Variants in UNC5C observed in about 807,000 individuals in gnomAD.
UNC5C encodes the protein unc-5 netrin receptor C, also known as netrin receptor UNC5C.
In UNC5C, 47 loss-of-function variants were observed where a neutral mutation model predicts 99.8. The ratio of observed to expected loss-of-function variants is 0.47; its 90% confidence interval spans 0.37 to 0.60. The LOEUF (loss-of-function observed/expected upper bound fraction) is 0.60. UNC5C is among the 20% of genes least tolerant of loss of function. The pLI is 0.00. For synonymous variants in UNC5C, 487 were observed against 452.2 expected (o/e 1.08, Z -0.98); for missense variants, 1,062 against 1,165.9 (o/e 0.91, Z 1.30).
chr4:95,228,039 G>A (rs1160566266), intron 7 of UNC5C, among the ~76,000 whole-genome samples: 1 of 152,068 alleles, frequency 6.6e-6, no homozygotes, highest in Non-Finnish European at 1.5e-5. Context: ...AAAAGAAAGA[G>A]AGCAAGAGAG....
chr4:95,388,737 T>G lies in UNC5C; in HGVS notation c.125-53106A>C, dbSNP rs1745277121. ...TCCAATAACTTCATTGAGTAGGTCCTAATCTTATCTCCATTCTAGAATGAG... is the reference window on the plus strand; with the variant it reads ...TCCAATAACTTCATTGAGTAGGTCCGAATCTTATCTCCATTCTAGAATGAG... On this transcript the variant is annotated intron_variant, in intron 1 of 15. Coordinates refer to ENST00000453304, the MANE Select transcript of UNC5C (RefSeq NM_003728.4). 4.6e-5 allele frequency among the ~76,000 whole-genome samples: 7 copies of G among 152,306 alleles called. No homozygotes were observed. The South Asian group carries it at 1.5e-3, about 32-fold the overall frequency.
chr4:95,222,231 G>A (rs1225444324), intron 7 of UNC5C: 22 of 1,500,828 alleles, frequency 1.5e-5, no homozygotes, highest in Non-Finnish European at 1.8e-5. Flanking sequence ...TATTCATTCT[G>A]GGTTCTCTGT....
At chr4:95,215,598 T>G (rs1177212815) in intron 10 of UNC5C, among the ~76,000 whole-genome samples, 1 of 152,058 alleles carries the variant, frequency 6.6e-6, no homozygotes, top group African/African-American at 2.4e-5. Context: ...CTGAACAGCC[T>G]AATGTGGAAT....
intron 3 of UNC5C, among the ~76,000 whole-genome samples, chr4:95,279,833 G>A (rs1740989027): frequency 6.6e-6 from 1 of 152,160 alleles, no homozygotes; most frequent in African/African-American, 2.4e-5. Context: ...CTGGTTTCAT[G>A]GCAGATAATT....
intron 1 of UNC5C, among the ~76,000 whole-genome samples, chr4:95,435,493 C>T (rs1746752920): frequency 6.6e-6 from 1 of 151,986 alleles, no homozygotes; most frequent in Admixed American, 6.6e-5. Flanking sequence ...ACAAATTTCC[C>T]ATCTAATTAT....
intron 1 of UNC5C, among the ~76,000 whole-genome samples, chr4:95,401,868 A>T (rs1269427132): frequency 6.6e-6 from 1 of 152,188 alleles, no homozygotes; most frequent in African/African-American, 2.4e-5. Context: ...ATCAAACAAT[A>T]CAGATTTCTA....
At chr4:95,409,394 G>A (rs569854223) in intron 1 of UNC5C, among the ~76,000 whole-genome samples, 4 of 152,278 alleles carry the variant, frequency 2.6e-5, no homozygotes, top group Non-Finnish European at 4.4e-5. Context: ...AGGTTAAAAT[G>A]TCCACATTCT....
chr4:95,219,840 A>C (rs533843003), intron 8 of UNC5C, 145 bp downstream of exon 8: 1 of 769,902 alleles, frequency 1.3e-6, no homozygotes, highest in African/African-American at 1.8e-5. Flanking sequence ...TGTAAATGAC[A>C]TCAATACAGT....
At chr4:95,370,270 T>C (rs1400419291) in intron 1 of UNC5C, among the ~76,000 whole-genome samples, 1 of 152,204 alleles carries the variant, frequency 6.6e-6, no homozygotes, top group East Asian at 1.9e-4. Context: ...TATTGGGCTA[T>C]ATAATTATAT....
intron 1 of UNC5C, among the ~76,000 whole-genome samples, chr4:95,547,403 C>T (rs1454263320): frequency 1.4e-4 from 22 of 152,156 alleles, no homozygotes; most frequent in Non-Finnish European, 4.4e-5. Context: ...ATCCCCACCC[C>T]CAGCGCCTCT....
intron 1 of UNC5C, among the ~76,000 whole-genome samples, chr4:95,370,767 A>G (rs1156770357): frequency 6.6e-6 from 1 of 152,218 alleles, no homozygotes; most frequent in Non-Finnish European, 1.5e-5. Flanking sequence ...ACTTTATCAC[A>G]GTAAGACAAC....
chr4:95,331,981 G>T (rs886188796), intron 2 of UNC5C, among the ~76,000 whole-genome samples: 1 of 152,008 alleles, frequency 6.6e-6, no homozygotes, highest in Non-Finnish European at 1.5e-5. Context: ...TTGCTTCAAA[G>T]AGAATAAAAT....
chr4:95,462,156 T>A (rs541210138), intron 1 of UNC5C, among the ~76,000 whole-genome samples: 68 of 152,242 alleles, frequency 4.5e-4, no homozygotes, highest in African/African-American at 1.6e-3. Flanking sequence ...GGGCAAAACA[T>A]TTCCTCAATG....
At chr4:95,258,771 T>C (rs1740105193) in intron 4 of UNC5C, among the ~76,000 whole-genome samples, 2 of 124,568 alleles carry the variant, frequency 1.6e-5, no homozygotes, top group Admixed American at 7.9e-5. Flanking sequence ...TTTTTTTTTT[T>C]TGAGACGGAG....
intron 1 of UNC5C, among the ~76,000 whole-genome samples, chr4:95,366,161 A>G (rs1744562451): frequency 6.6e-6 from 1 of 152,096 alleles, no homozygotes; most frequent in African/African-American, 2.4e-5. Flanking sequence ...ATTATTTTGT[A>G]TTAATAAAAT....
chr4:95,394,179 G>A (rs1294051441), intron 1 of UNC5C, among the ~76,000 whole-genome samples: 1 of 151,618 alleles, frequency 6.6e-6, no homozygotes, highest in Admixed American at 6.6e-5. Context: ...TTAAAAGTTA[G>A]CTCAGCTTGA....
At chr4:95,465,952 C>A (rs1747762298) in intron 1 of UNC5C, among the ~76,000 whole-genome samples, 1 of 152,034 alleles carries the variant, frequency 6.6e-6, no homozygotes, top group South Asian at 2.1e-4. Context: ...ATTATCTTAC[C>A]CTATGCTTTC....
intron 1 of UNC5C, among the ~76,000 whole-genome samples, chr4:95,471,926 C>T (rs1747982098): frequency 1.3e-5 from 2 of 151,938 alleles, no homozygotes; most frequent in Non-Finnish European, 2.9e-5. Flanking sequence ...TTTTAGGCCT[C>T]AAGTGTCTCT....
chr4:95,358,308 T>A (rs1014625030), intron 1 of UNC5C, among the ~76,000 whole-genome samples: 1 of 152,216 alleles, frequency 6.6e-6, no homozygotes, highest in Non-Finnish European at 1.5e-5. Context: ...AGAATTCATT[T>A]TTTTGTGGCT....
Sources: gnomAD v4.1 joint callset for allele counts (sites outside exome capture counted in the v4.1 genomes callset) on GRCh38, gnomAD v4.1.1 for gene constraint, MANE v1.5 for transcripts, NCBI Gene and HGNC (gene_info 2026-07-23, HGNC 2026-07-21) for gene names.